EXOC3L4: variants seen among roughly 807,000 people sequenced by gnomAD.
The protein encoded by EXOC3L4 is exocyst complex component 3-like protein 4.
A neutral mutation model predicts 69.7 loss-of-function variants in EXOC3L4; 62 were observed. The ratio of observed to expected loss-of-function variants is 0.89; its 90% CI spans 0.72 to 1.10. The LOEUF is 1.10. Ranked by LOEUF, EXOC3L4 falls within the 50% of genes least tolerant of loss-of-function variation. EXOC3L4 has a pLI of 0.00. For missense variants in EXOC3L4, 1,087 were observed against 1,034.8 expected, an observed-to-expected ratio of 1.05 and a Z score of -0.69; for synonymous variants, 502 against 464.2, an observed-to-expected ratio of 1.08 and a Z score of -1.05.
chr14:103,102,062 C>T, intron 2 of EXOC3L4, 56 bp from the exon 3 acceptor site: 1 of 1,524,776 alleles, frequency 6.6e-7, no homozygotes, highest in Non-Finnish European at 8.9e-7. Flanking sequence ...AGGTCTTCGT[C>T]CAGGTTCGGG....
At chr14:103,103,594 T>G in intron 3 of EXOC3L4, 21 of 213,600 alleles carry the variant, frequency 9.8e-5, no homozygotes, top group Non-Finnish European at 1.3e-4. Flanking sequence ...GCTCCTTAAA[T>G]TGTGTGGGGT....
intron 7 of EXOC3L4, among the ~76,000 whole-genome samples, chr14:103,106,119 C>T (rs527443255): frequency 3.3e-5 from 5 of 152,256 alleles, no homozygotes; most frequent in Admixed American, 6.5e-5. Context: ...AGTATACCCA[C>T]GCACAGGTGC....
intron 3 of EXOC3L4, among the ~76,000 whole-genome samples, chr14:103,103,196 T>C (rs536265437): frequency 1.3e-5 from 2 of 152,022 alleles, no homozygotes; most frequent in African/African-American, 4.8e-5. Flanking sequence ...AAACCCCGTC[T>C]CTACAAAAAT....
intron 3 of EXOC3L4, 138 bp from the exon 4 acceptor site, chr14:103,103,800 GTGT>G: frequency 4.3e-6 from 2 of 463,662 alleles, no homozygotes; most frequent in Non-Finnish European, 3.8e-6. Flanking sequence ...GCGCGCGCGT[GTGT>G]GTGTGTGTGT....
At chr14:103,102,054 G>A (rs562165735) in intron 2 of EXOC3L4, 64 bp from the exon 3 acceptor site, 5 of 1,497,740 alleles carry the variant, frequency 3.3e-6, no homozygotes, top group Non-Finnish European at 4.5e-6. Flanking sequence ...TGGCCTGCAG[G>A]TCTTCGTCCA....
chr14:103,097,287 G>C lies in EXOC3L4; in HGVS notation c.-17+2447G>C, dbSNP rs564533407. On this transcript the variant is annotated intron_variant, in intron 1 of 11. Transcript: ENST00000688303. This position sits in a 1 kb window ranked among gnomAD's most constrained non-coding sequence, Gnocchi z 4.9. ...GCCTGACCTGGGGAGAGTGGGACCC[G>C]GGGCTCAGGCCGGGCGTCAGTCTCT... 4.6e-5 allele frequency among the ~76,000 whole-genome samples: 7 copies of C among 152,170 alleles called. No homozygotes were observed. The highest frequency in any genetic ancestry group is 1.7e-4 in the African/African-American group (7 of 41,442).
intron 7 of EXOC3L4, among the ~76,000 whole-genome samples, chr14:103,105,905 C>T (rs1469425514): frequency 6.6e-6 from 1 of 152,234 alleles, no homozygotes; most frequent in Non-Finnish European, 1.5e-5. Flanking sequence ...GTGCCACCTG[C>T]TGGCTGTGTG....
At chr14:103,105,857 C>G (rs748723425) in intron 7 of EXOC3L4, among the ~76,000 whole-genome samples, 1 of 152,216 alleles carries the variant, frequency 6.6e-6, no homozygotes. Flanking sequence ...TTTAGTGTCC[C>G]GAAGTACTTC....
At position 103,097,081 on chromosome 14, in the gene EXOC3L4, T is replaced by C. The variant is rs2139459257; in HGVS notation, c.-17+2241T>C. On this transcript the variant is annotated intron_variant, in intron 1 of 11. Transcript: ENST00000688303. The surrounding 1 kb of genome is among the most constrained non-coding windows in gnomAD (Gnocchi z 4.9). The stretch of plus-strand genomic sequence containing the variant: ...AGTGATTGGGAGGATGAGGAGCAGC[T>C]ACGGGAGGGAAGGTCTAGGGGAAAG... Among the ~76,000 whole-genome samples, 1 of 132,196 alleles carries C rather than the reference T, an allele frequency of 7.6e-6. No homozygotes were observed. The highest frequency in any genetic ancestry group is 2.4e-4 in the South Asian group (1 of 4,216). The allele number at this position is 132,196 out of a possible 152,430, so 86.7% of individuals were successfully genotyped here. A position where few individuals can be genotyped will look rare whatever the true frequency, so the allele number is the denominator to read the frequency against.
chr14:103,107,683 C>T lies in EXOC3L4; in HGVS notation c.1754C>T (p.Ala585Val), dbSNP rs1277308914. ...GTGGTCCGCGAGTACCTGGCGCGGGCGCTGAGGCCACGGGAGCGGTTCCGG... is the reference window on the plus strand; with the variant it reads ...GTGGTCCGCGAGTACCTGGCGCGGGTGCTGAGGCCACGGGAGCGGTTCCGG... ...RFVVREYLARALRPRERFRGM... is the reference protein window; with the variant it reads ...RFVVREYLARVLRPRERFRGM... Residue 585 changes from alanine (A) to valine (V), a missense_variant, in exon 10 of 12, where the codon GCG becomes GTG. Ala to Val is a moderately conservative substitution (Grantham distance 64, BLOSUM62 0). Transcript: ENST00000688303. 26 of 1,559,262 alleles carry T rather than the reference C, an allele frequency of 1.7e-5. No individual in the cohort carries two copies. The highest frequency in any genetic ancestry group is 1.2e-4 in the East Asian group (5 of 41,592).
In EXOC3L4 at chr14:103,106,856, G is replaced by T; in HGVS notation, c.1538G>T (p.Ser513Ile). The T allele has an allele frequency of 1.3e-6, 2 of 1,590,714 alleles. No homozygotes were observed. Among genetic ancestry groups the T allele is most frequent in the East Asian group, 2.3e-5 (1 of 44,384 alleles). Reference sequence around the variant, plus strand: ...AAGCCCCTGGTGACGGCCACCTGCAGCTTCCAGAAGCACTTGCTTCAGGGC... The same window carrying T: ...AAGCCCCTGGTGACGGCCACCTGCATCTTCCAGAAGCACTTGCTTCAGGGC... ...LEKPLVTATCSFQKHLLQGLQ... is the reference protein window; with the variant it reads ...LEKPLVTATCIFQKHLLQGLQ... The change falls in exon 8 of 12, where the codon AGC (serine) becomes ATC (isoleucine). Residue 513 changes from serine (S) to isoleucine (I), a missense_variant. Ser to Ile is a moderately radical substitution (Grantham distance 142). Transcript: ENST00000688303.
At chr14:103,104,675 AG>A in intron 5 of EXOC3L4, 62 bp from the exon 6 acceptor site, 1 of 1,365,922 alleles carries the variant, frequency 7.3e-7, no homozygotes, top group Non-Finnish European at 9.6e-7. Context: ...GGGGGCTACC[AG>A]GGGACCCGCG....
Position 103,107,534 on chromosome 14 carries a change from G to T in EXOC3L4, c.1692G>T (p.Pro564=). The T allele has an allele frequency of 6.2e-7, 1 of 1,613,598 alleles. No homozygotes were observed. The highest frequency in any genetic ancestry group is 8.5e-7 in the Non-Finnish European group (1 of 1,179,990). The change falls in exon 9 of 12, where the codon CCG becomes CCT. Residue 564 remains proline (P), a synonymous_variant. Coordinates refer to ENST00000688303, the MANE Select transcript of EXOC3L4 (RefSeq NM_001077594.2). ...FAGHLQRVAR[P]RAQETLQEVH... The stretch of plus-strand genomic sequence containing the variant: ...GTCATCTCCAGCGTGTGGCCCGGCC[G>T]CGGGCACAGGTACCACAAGGGGGAG...
At chr14:103,096,428 A>G (rs1054253691) in intron 1 of EXOC3L4, among the ~76,000 whole-genome samples, 1 of 121,180 alleles carries the variant, frequency 8.3e-6, no homozygotes, top group African/African-American at 3.1e-5. Flanking sequence ...TGTAAGATTT[A>G]GTAGAGTGAA....
Position 103,108,457 on chromosome 14 carries a change from C to T in EXOC3L4, c.1916C>T (p.Thr639Ile). 1 of 1,613,702 alleles carries T rather than the reference C, an allele frequency of 6.2e-7. No individual in the cohort carries two copies. Among genetic ancestry groups the T allele is most frequent in the Non-Finnish European group, 8.5e-7 (1 of 1,179,822 alleles). Residue 639 changes from threonine (T) to isoleucine (I), a missense_variant, in exon 11 of 12, where the codon ACC becomes ATC. By Grantham distance (89) the Thr-to-Ile change is moderately conservative (BLOSUM62 -1). Transcript: ENST00000688303. ...TGCGTGGCTGAGATCCTGGGCGAGA[C>T]CTACAAAGATGACATCCAGCGGCAC... ...IQCVAEILGETYKDDIQRHLE... is the reference protein window; with the variant it reads ...IQCVAEILGEIYKDDIQRHLE...
In EXOC3L4 at chr14:103,103,977, C is replaced by A; in HGVS notation, c.1086C>A (p.Pro362=). 1.3e-6 allele frequency: 2 copies of A among 1,557,582 alleles called. No homozygotes were observed. The highest frequency in any genetic ancestry group is 8.6e-7 in the Non-Finnish European group (1 of 1,157,862). ...DFLGAPGLAL[P]AEPLPPLLAP... ...TGGGCGCCCCGGGGCTGGCGCTGCC[C>A]GCCGAGCCGCTGCCTCCGCTCCTGG... Residue 362 remains proline (P), a synonymous_variant, in exon 4 of 12, where the codon CCC becomes CCA. Transcript: ENST00000688303.
At position 103,104,855 on chromosome 14, in the gene EXOC3L4, A is replaced by T; in HGVS notation, c.1385+17A>T. The T allele has an allele frequency of 6.6e-7, 1 of 1,511,496 alleles. No homozygotes were observed. The highest frequency in any genetic ancestry group is 8.9e-7 in the Non-Finnish European group (1 of 1,122,740). 93.6% of individuals were successfully genotyped at this position (1,511,496 alleles called of 1,614,324 possible). Reference sequence around the variant, plus strand: ...CGTGCCCAGGTGCGGACGCATCCTCAGTAGGGGAGCGACCTGGCCGGGTGC... The same window carrying T: ...CGTGCCCAGGTGCGGACGCATCCTCTGTAGGGGAGCGACCTGGCCGGGTGC... On this transcript the variant is annotated intron_variant, in intron 6 of 11. Transcript: ENST00000688303.
At position 103,102,323 on chromosome 14, in the gene EXOC3L4, G is replaced by T; in HGVS notation, c.600G>T (p.Thr200=). 6.4e-7 allele frequency: 1 copy of T among 1,566,228 alleles called. No homozygotes were observed. Among genetic ancestry groups the T allele is most frequent in the Non-Finnish European group, 8.6e-7 (1 of 1,162,160 alleles). The part of the protein sequence containing the change: ...AAEIGAIVRE[T]LDSDGVDAAA... ...AGATCGGCGCCATCGTGCGCGAGAC[G>T]CTGGACAGCGACGGTGTGGACGCGG... Residue 200 remains threonine (T), a synonymous_variant, in exon 3 of 12, where the codon ACG becomes ACT. Transcript: ENST00000688303.
Position 103,100,547 on chromosome 14 carries a change from G to A in EXOC3L4, c.328G>A (p.Val110Ile). ...SQATPEVPSGVMNGVSQQAST... is the reference protein window; with the variant it reads ...SQATPEVPSGIMNGVSQQAST... ...GGCCACTCCTGAGGTGCCCTCGGGGGTCATGAATGGTGTCAGCCAGCAGGC... is the reference window on the plus strand; with the variant it reads ...GGCCACTCCTGAGGTGCCCTCGGGGATCATGAATGGTGTCAGCCAGCAGGC... Residue 110 changes from valine (V) to isoleucine (I), a missense_variant, in exon 2 of 12, where the codon GTC (valine) becomes ATC (isoleucine). Coordinates refer to ENST00000688303, the MANE Select transcript of EXOC3L4 (RefSeq NM_001077594.2). The A allele has an allele frequency of 6.2e-7, 1 of 1,612,552 alleles. No individual in the cohort carries two copies. The highest frequency in any genetic ancestry group is 8.5e-7 in the Non-Finnish European group (1 of 1,179,562).
Sources: allele counts gnomAD v4.1 joint callset (sites outside exome capture counted in the v4.1 genomes callset), GRCh38; gene constraint gnomAD v4.1.1; non-coding constraint Gnocchi (gnomAD v3.1); transcripts MANE v1.5; gene names NCBI Gene and HGNC (gene_info 2026-07-23, HGNC 2026-07-21).